The following ADAMTSL1 variants were observed in gnomAD, a reference collection of about 807,000 sequenced individuals.
ADAMTSL1 encodes ADAMTS like 1, also known as ADAMTS-like protein 1.
A neutral mutation model predicts 201.8 loss-of-function variants in ADAMTSL1; 126 were observed. The observed-to-expected ratio is 0.62, with a 90% CI of 0.54 to 0.72. The LOEUF is 0.72. Among genes scored for constraint, ADAMTSL1 ranks in the 30% least tolerant of loss-of-function variants. ADAMTSL1 has a pLI of 0.00. For missense variants in ADAMTSL1, 2,679 were observed against 2,277.8 expected, an observed-to-expected ratio of 1.18 and a Z score of -3.59; for synonymous variants, 1,121 against 903.4, an observed-to-expected ratio of 1.24 and a Z score of -4.32.
chr9:18,504,930 C>T lies in ADAMTSL1; in HGVS notation c.165C>T (p.Tyr55=), dbSNP rs771011730. The change falls in exon 2 of 29, where the codon TAC becomes TAT. Residue 55 remains tyrosine (Y), a synonymous_variant. Coordinates refer to ENST00000380548, the MANE Select transcript of ADAMTSL1 (RefSeq NM_001040272.6). ...CSRTCGGGAS[Y]SLRRCLSSKS... ...GCACCTGCGGGGGTGGGGCCTCCTA[C>T]TCTCTGAGGCGCTGCCTGAGCAGCA... 1 of 1,610,846 alleles carries T rather than the reference C, an allele frequency of 6.2e-7. No homozygotes were observed. The highest frequency in any genetic ancestry group is 1.7e-5 in the Admixed American group (1 of 59,528).
chr9:18,420,091 G>A (rs970146090), intron 2 of ADAMTSL1, among the ~76,000 whole-genome samples: 2 of 152,164 alleles, frequency 1.3e-5, no homozygotes, highest in African/African-American at 4.8e-5. Context: ...AGTAATTACA[G>A]TTTTCACCAT....
intron 1 of ADAMTSL1, among the ~76,000 whole-genome samples, chr9:18,044,858 ATGGCTCTC>A (rs1321520536): frequency 1.3e-5 from 2 of 152,192 alleles, no homozygotes; most frequent in Admixed American, 1.3e-4. Context: ...TCTGCGAAGT[ATGGCTCTC>A]TGGCTCTCCT....
rs1166706126 is a variant in ADAMTSL1, at chr9:18,887,914, C to T, written c.4333C>T (p.His1445Tyr). ...AATTGTCACTGCCACAGGACTGACG[C>T]ATCACATCTTGGCAGCTGGACAGAT... is the stretch of plus-strand genomic sequence containing the variant. ...QPIVTATGLT[H>Y]HILAAGQILQ... The change falls in exon 24 of 29, where the codon CAT becomes TAT. Residue 1445 changes from histidine to tyrosine, a missense_variant. His to Tyr is a moderately conservative substitution (Grantham distance 83). Transcript: ENST00000380548. 3 of 1,613,972 alleles carry T rather than the reference C, an allele frequency of 1.9e-6. No homozygotes were observed. Among genetic ancestry groups the T allele is most frequent in the South Asian group, 1.1e-5 (1 of 91,054 alleles).
chr9:18,655,826 A>G (rs1828616232), intron 7 of ADAMTSL1, among the ~76,000 whole-genome samples: 1 of 141,378 alleles, frequency 7.1e-6, no homozygotes, highest in Non-Finnish European at 1.6e-5. Context: ...AAAAAAAAAA[A>G]AAAAAAAAAA....
rs1827083510 is a variant in ADAMTSL1 at position 18,635,935 on chromosome 9, C to G, written c.602-8C>G. 3 of 1,591,598 alleles carry G rather than the reference C, an allele frequency of 1.9e-6. No individual in the cohort carries two copies. In the East Asian group the frequency reaches 6.9e-5, roughly 36 times the overall value. ...ATGCTTTTAAGATTTTGCTTTGTTT[C>G]TCTCTAGCGGATGATACTGTGGTTG... On this transcript the variant is annotated splice_region_variant and splice_polypyrimidine_tract_variant and intron_variant, in intron 5 of 28. Coordinates refer to ENST00000380548, the MANE Select transcript of ADAMTSL1 (RefSeq NM_001040272.6).
intron 1 of ADAMTSL1, among the ~76,000 whole-genome samples, chr9:18,151,781 A>G (rs764355191): frequency 6.6e-6 from 1 of 152,036 alleles, no homozygotes; most frequent in African/African-American, 2.4e-5. Flanking sequence ...AACACATACC[A>G]TCAGATAAAT....
chr9:17,916,422 G>T (rs1339114536), intron 1 of ADAMTSL1, among the ~76,000 whole-genome samples: 6 of 152,156 alleles, frequency 3.9e-5, no homozygotes, highest in Admixed American at 6.5e-5. Context: ...TACAGAGGTT[G>T]TCTTCTAGAA....
chr9:18,863,207 A>G (rs1827315344), intron 23 of ADAMTSL1, among the ~76,000 whole-genome samples: 2 of 152,218 alleles, frequency 1.3e-5, no homozygotes, highest in Admixed American at 1.3e-4. Flanking sequence ...GTCCTAGGGT[A>G]TGGGTGAAGG....
chr9:18,898,234 C>T lies in ADAMTSL1; in HGVS notation c.4851+5638C>T, dbSNP rs534390239. Among the ~76,000 whole-genome samples the T allele has an allele frequency of 2.0e-5, 3 of 152,240 alleles. No individual in the cohort carries two copies. The South Asian group carries it at 6.2e-4, about 32-fold the overall frequency. On this transcript the variant is annotated intron_variant, in intron 26 of 28. Transcript: ENST00000380548. ...AACAAACTTCGCTGAGCTAAAGGAG[C>T]ATGTTGTAACCCAATGCAAAGAAGC...
At chr9:18,369,851 TTTGCTTG>T (rs1478421017) in intron 2 of ADAMTSL1, among the ~76,000 whole-genome samples, 1 of 152,182 alleles carries the variant, frequency 6.6e-6, no homozygotes, top group Non-Finnish European at 1.5e-5. Flanking sequence ...GCAGCAACAT[TTTGCTTG>T]TCTTATCATT....
At chr9:18,453,087 G>A (rs2153413) in intron 2 of ADAMTSL1, among the ~76,000 whole-genome samples, 8 of 151,834 alleles carry the variant, frequency 5.3e-5, no homozygotes, top group Admixed American at 2.6e-4. Context: ...AGCCATGCCC[G>A]CACAGCTCTT....
chr9:18,459,742 A>G (rs1820739510), intron 2 of ADAMTSL1, among the ~76,000 whole-genome samples: 1 of 152,196 alleles, frequency 6.6e-6, no homozygotes, highest in African/African-American at 2.4e-5. Flanking sequence ...AGTTAGATGT[A>G]TTAGGTAACT....
chr9:18,411,091 T>C (rs1450633571), intron 2 of ADAMTSL1, among the ~76,000 whole-genome samples: 2 of 151,530 alleles, frequency 1.3e-5, no homozygotes, highest in African/African-American at 4.8e-5. Context: ...CTTAATCTCC[T>C]GACCTCATCA....
intron 2 of ADAMTSL1, among the ~76,000 whole-genome samples, chr9:18,204,928 T>C (rs1457532436): frequency 6.6e-6 from 1 of 152,192 alleles, no homozygotes; most frequent in Non-Finnish European, 1.5e-5. Context: ...TAGGGAGTAA[T>C]ACATTTGATT....
chr9:17,990,107 C>T (rs80080439), intron 1 of ADAMTSL1, among the ~76,000 whole-genome samples: 3,180 of 151,750 alleles, frequency 0.021, 39 homozygotes, highest in Middle Eastern at 0.038. Flanking sequence ...GTGGGGGGCA[C>T]ACAAGAATGA....
chr9:18,052,481 C>T (rs545390664), intron 1 of ADAMTSL1, among the ~76,000 whole-genome samples: 10 of 152,218 alleles, frequency 6.6e-5, no homozygotes, highest in South Asian at 2.1e-4. Context: ...TGTGAAGCCG[C>T]TGAGAGTGGA....
At chr9:18,505,714 T>C (rs1426930228) in intron 2 of ADAMTSL1, among the ~76,000 whole-genome samples, 5 of 152,248 alleles carry the variant, frequency 3.3e-5, no homozygotes, top group Admixed American at 6.5e-5. Context: ...TTTATTTGAC[T>C]ATGAAAAGTG....
rs1485837458 is a variant in ADAMTSL1, at chr9:18,722,954, G to T, written c.2006+1289G>T. 1.0e-4 allele frequency: 75 copies of T among 750,698 alleles called. 1 individual carries two copies. In the South Asian group the frequency reaches 1.1e-3, roughly 11 times the overall value. The allele number at this position is 750,698 out of a possible 1,614,324, so 46.5% of individuals were successfully genotyped here. On this transcript the variant is annotated intron_variant, in intron 15 of 28. Coordinates refer to ENST00000380548, the MANE Select transcript of ADAMTSL1 (RefSeq NM_001040272.6). ...AACTTCGCAGCTCTCTAGTTGTTGA[G>T]CCTAAATGTGTGGGCAAAGGGCACC...
At chr9:17,977,360 A>T (rs1237856800) in intron 1 of ADAMTSL1, among the ~76,000 whole-genome samples, 2 of 152,088 alleles carry the variant, frequency 1.3e-5, no homozygotes, top group African/African-American at 2.4e-5. Context: ...GGAAAAATTC[A>T]TTCTTCAAAA....
Sources: gnomAD v4.1 joint callset for allele counts (sites outside exome capture counted in the v4.1 genomes callset) on GRCh38, gnomAD v4.1.1 for gene constraint, MANE v1.5 for transcripts, NCBI Gene and HGNC (gene_info 2026-07-23, HGNC 2026-07-21) for gene names.